RIN2: variants seen among roughly 807,000 people sequenced by gnomAD.
The protein encoded by RIN2 is RAB5 interacting protein 2.
Under a neutral mutation model 78.0 loss-of-function variants are expected in RIN2, and 36 were observed. The observed-to-expected ratio is 0.46, with a 90% confidence interval of 0.35 to 0.61. The LOEUF is 0.61. Ranked by LOEUF, RIN2 falls within the 20% of genes least tolerant of loss-of-function variation. RIN2 has a pLI of 0.00. For missense variants in RIN2, 1,087 were observed against 1,159.7 expected (o/e 0.94, Z 0.91); for synonymous variants, 466 against 466.8 (o/e 1.00, Z 0.02).
intron 3 of RIN2, among the ~76,000 whole-genome samples, chr20:19,912,957 C>CCT (rs1250039824): frequency 6.6e-6 from 1 of 152,214 alleles, no homozygotes; most frequent in East Asian, 1.9e-4. Flanking sequence ...ACAGGCTGAG[C>CCT]CTCAGTCCAT....
chr20:19,874,614 T>C (rs889602604), intron 2 of RIN2, among the ~76,000 whole-genome samples: 1 of 152,158 alleles, frequency 6.6e-6, no homozygotes, highest in Non-Finnish European at 1.5e-5. Flanking sequence ...TCTCCTTCCC[T>C]ACAGTGTTTC....
chr20:19,973,874 A>T (rs141243720), intron 8 of RIN2, among the ~76,000 whole-genome samples: 1 of 152,186 alleles, frequency 6.6e-6, no homozygotes, highest in Non-Finnish European at 1.5e-5. Flanking sequence ...CTCAACTTAC[A>T]TGGAACACTG....
chr20:19,955,584 G>T (rs1272937770), intron 4 of RIN2, among the ~76,000 whole-genome samples: 1 of 152,160 alleles, frequency 6.6e-6, no homozygotes, highest in East Asian at 1.9e-4. Context: ...TGATCTGCCT[G>T]CCTCAACCTC....
chr20:19,913,197 G>A (rs2039547889), intron 3 of RIN2, among the ~76,000 whole-genome samples: 1 of 151,640 alleles, frequency 6.6e-6, no homozygotes, highest in Non-Finnish European at 1.5e-5. Context: ...ATTCTGTTTT[G>A]TTGTCGTTGT....
chr20:19,901,020 T>A (rs2038959564), intron 3 of RIN2, among the ~76,000 whole-genome samples: 1 of 147,186 alleles, frequency 6.8e-6, no homozygotes, highest in Non-Finnish European at 1.5e-5. Context: ...AATCAGAAAC[T>A]GCAGGATAAG....
chr20:19,906,564 T>C (rs373690682), intron 3 of RIN2, among the ~76,000 whole-genome samples: 15 of 152,248 alleles, frequency 9.9e-5, no homozygotes, highest in African/African-American at 3.1e-4. Flanking sequence ...AGTTGATAAA[T>C]GGCAACTGAC....
chr20:19,844,774 G>A (rs759040240), intron 2 of RIN2, among the ~76,000 whole-genome samples: 39 of 149,532 alleles, frequency 2.6e-4, no homozygotes, highest in Non-Finnish European at 3.8e-4. Flanking sequence ...TGGGATACAT[G>A]TACAGGACAT....
At chr20:19,929,861 AC>A (rs1400319327) in intron 3 of RIN2, among the ~76,000 whole-genome samples, 3 of 152,200 alleles carry the variant, frequency 2.0e-5, no homozygotes, top group Non-Finnish European at 4.4e-5. Context: ...CTTCAAAAAA[AC>A]ACCCAAAATC....
Sources: allele counts gnomAD v4.1 joint callset (sites outside exome capture counted in the v4.1 genomes callset), GRCh38; gene constraint gnomAD v4.1.1; transcripts MANE v1.5; gene names NCBI Gene and HGNC (gene_info 2026-07-23, HGNC 2026-07-21).